The following DUSP19 variants were observed in gnomAD, a reference collection of about 807,000 sequenced individuals.
DUSP19 encodes dual specificity phosphatase 19.
DUSP19 carries 14 observed loss-of-function variants against 16.6 expected under a neutral mutation model. The observed-to-expected ratio is 0.84, with a 90% CI of 0.56 to 1.32. The LOEUF is 1.32. Among genes scored for constraint, DUSP19 ranks in the 40% most tolerant of loss-of-function variants. The pLI is 0.00. For missense variants in DUSP19, 258 were observed against 255.9 expected (o/e 1.01, Z -0.06); for synonymous variants, 81 against 90.5 (o/e 0.90, Z 0.59).
intron 3 of DUSP19, among the ~76,000 whole-genome samples, chr2:183,091,709 G>A (rs1296971024): frequency 6.6e-6 from 1 of 152,200 alleles, no homozygotes; most frequent in Non-Finnish European, 1.5e-5. Context: ...AGTCTGATTG[G>A]TTGTGGACAG....
intron 2 of DUSP19, among the ~76,000 whole-genome samples, chr2:183,084,099 G>A (rs1699629155): frequency 6.6e-6 from 1 of 152,204 alleles, no homozygotes; most frequent in African/African-American, 2.4e-5. Flanking sequence ...GGCAGACAGA[G>A]AAGAGAGACA....
intron 1 of DUSP19, among the ~76,000 whole-genome samples, chr2:183,082,786 C>T (rs1198748387): frequency 6.6e-6 from 1 of 151,968 alleles, no homozygotes; most frequent in African/African-American, 2.4e-5. Context: ...TTCTCTCTCT[C>T]TCCCTCTCTT....
chr2:183,084,186 C>T (rs16823976), intron 2 of DUSP19, among the ~76,000 whole-genome samples: 25,438 of 151,958 alleles, frequency 0.17, 2,541 homozygotes, highest in African/African-American at 0.28. Context: ...AGATGATGCT[C>T]TTAACCCATG....
rs1461275000 is a variant in DUSP19 at position 183,099,061 on chromosome 2, T to C, written c.*3403T>C. ...AATACAATACTTGGATTTTTTTTTTTCAGCTTAGACTCTGATAATTTCAGT... is the reference window on the plus strand; with the variant it reads ...AATACAATACTTGGATTTTTTTTTTCCAGCTTAGACTCTGATAATTTCAGT... On this transcript the variant is annotated 3_prime_UTR_variant, in exon 4 of 4. Transcript: ENST00000354221. 6.7e-6 allele frequency: 1 copy of C among 148,520 alleles called. No homozygotes were observed. Among genetic ancestry groups the C allele is most frequent in the Non-Finnish European group, 1.5e-5 (1 of 66,772 alleles). 9.2% of individuals were successfully genotyped at this position (148,520 alleles called of 1,614,324 possible).
At chr2:183,094,994 G>A (rs991893817) in intron 3 of DUSP19, among the ~76,000 whole-genome samples, 2 of 151,848 alleles carry the variant, frequency 1.3e-5, no homozygotes, top group East Asian at 1.9e-4. Context: ...GGTTTTATGT[G>A]TACTTTACTG....
chr2:183,096,316 A>C lies in DUSP19; in HGVS notation c.*658A>C, dbSNP rs1699801594. Reference sequence around the variant, plus strand: ...CAATGGCGCAATCTCAGCTCACTGCAACCTCTGCCTCCCGGGTTCAAGCGA... The same window carrying C: ...CAATGGCGCAATCTCAGCTCACTGCCACCTCTGCCTCCCGGGTTCAAGCGA... On this transcript the variant is annotated 3_prime_UTR_variant, in exon 4 of 4. Transcript: ENST00000354221. The C allele has an allele frequency of 6.6e-6, 1 of 150,982 alleles. No individual in the cohort carries two copies. The highest frequency in any genetic ancestry group is 1.5e-5 in the Non-Finnish European group (1 of 67,978). The allele number at this position is 150,982 out of a possible 1,614,324, so 9.4% of individuals were successfully genotyped here. A position where few individuals can be genotyped will look rare whatever the true frequency, so the allele number is the denominator to read the frequency against.
Position 183,096,642 on chromosome 2 carries a change from A to G in DUSP19, c.*984A>G, listed in dbSNP as rs1699806906. The G allele has an allele frequency of 6.7e-6, 1 of 149,514 alleles. No homozygotes were observed. The highest frequency in any genetic ancestry group is 1.5e-5 in the Non-Finnish European group (1 of 67,542). The allele number at this position is 149,514 out of a possible 1,614,324, so 9.3% of individuals were successfully genotyped here. A position where few individuals can be genotyped will look rare whatever the true frequency, so the allele number is the denominator to read the frequency against. ...TGAGCTTTGGTTCTTTGAACAGGTG[A>G]TCTATTCTCTTACATTTTGTGCTTT... On this transcript the variant is annotated 3_prime_UTR_variant, in exon 4 of 4. Transcript: ENST00000354221.
chr2:183,093,052 G>C (rs1237484505), intron 3 of DUSP19, among the ~76,000 whole-genome samples: 1 of 152,076 alleles, frequency 6.6e-6, no homozygotes. Context: ...CCTGGGCCTG[G>C]CTCAGTTACT....
Position 183,099,781 on chromosome 2 carries a change from C to T in DUSP19, c.*4123C>T, listed in dbSNP as rs1324031042. 3 of 151,884 alleles carry T rather than the reference C, an allele frequency of 2.0e-5. No homozygotes were observed. The highest frequency in any genetic ancestry group is 2.0e-4 in the Admixed American group (3 of 15,290). The allele number at this position is 151,884 out of a possible 1,614,324, so 9.4% of individuals were successfully genotyped here. A position where few individuals can be genotyped will look rare whatever the true frequency, so the allele number is the denominator to read the frequency against. ...TTTGGGAGGCCAAGGAGATGGATCA[C>T]TTGAGGCCAGGAGTTCAAGACCAGC... On this transcript the variant is annotated 3_prime_UTR_variant, in exon 4 of 4. Coordinates refer to ENST00000354221, the MANE Select transcript of DUSP19 (RefSeq NM_080876.4).
In DUSP19 at chr2:183,097,950, G is replaced by A. The variant is rs1464031552; in HGVS notation, c.*2292G>A. On this transcript the variant is annotated 3_prime_UTR_variant, in exon 4 of 4. Coordinates refer to ENST00000354221, the MANE Select transcript of DUSP19 (RefSeq NM_080876.4). ...CTTATTGCCCAGGCTGGAGTGCAGT[G>A]GCGTGATCTTGGCTCACTGCAACCT... is the stretch of plus-strand genomic sequence containing the variant. The A allele has an allele frequency of 6.6e-6, 1 of 152,166 alleles. No individual in the cohort carries two copies. Among genetic ancestry groups the A allele is most frequent in the Admixed American group, 6.5e-5 (1 of 15,268 alleles). 9.4% of individuals were successfully genotyped at this position (152,166 alleles called of 1,614,324 possible).
At chr2:183,093,600 T>C (rs1196003807) in intron 3 of DUSP19, among the ~76,000 whole-genome samples, 2 of 152,156 alleles carry the variant, frequency 1.3e-5, no homozygotes, top group East Asian at 1.9e-4. Context: ...ATATGATACC[T>C]AAGGAATAAT....
chr2:183,080,099 C>T (rs988902025), intron 1 of DUSP19, among the ~76,000 whole-genome samples: 1 of 152,178 alleles, frequency 6.6e-6, no homozygotes, highest in Non-Finnish European at 1.5e-5. Context: ...AAATAACAGA[C>T]GTATGCATCA....
At chr2:183,083,950 C>A (rs1699626921) in intron 2 of DUSP19, among the ~76,000 whole-genome samples, 1 of 152,164 alleles carries the variant, frequency 6.6e-6, no homozygotes, top group Non-Finnish European at 1.5e-5. Context: ...CTCCATACAA[C>A]TGATGTGATT....
chr2:183,083,297 T>C, intron 1 of DUSP19: 3 of 471,444 alleles, frequency 6.4e-6, no homozygotes, highest in Non-Finnish European at 1.1e-5. Context: ...GCAACATCTA[T>C]AACTTTTAGG....
chr2:183,095,594 TTCGTACATA>T lies in DUSP19; in HGVS notation c.593_601del (p.Arg198_Tyr200del). 1 of 1,614,080 alleles carries T rather than the reference TTCGTACATA, an allele frequency of 6.2e-7. No individual in the cohort carries two copies. The highest frequency in any genetic ancestry group is 2.2e-5 in the East Asian group (1 of 44,866). ...CCAAATTCTGGCTTCATGGAGCAGCTTCGTACATATCAAGAGGGCAAAGAAAGCAATAAG... is the reference window on the plus strand; with the variant it reads ...CCAAATTCTGGCTTCATGGAGCAGCTTCAAGAGGGCAAAGAAAGCAATAAG... On this transcript the variant is annotated inframe_deletion, in exon 4 of 4. Coordinates refer to ENST00000354221, the MANE Select transcript of DUSP19 (RefSeq NM_080876.4).
At chr2:183,082,870 T>C (rs1699611759) in intron 1 of DUSP19, among the ~76,000 whole-genome samples, 1 of 134,926 alleles carries the variant, frequency 7.4e-6, no homozygotes, top group Non-Finnish European at 1.6e-5. Flanking sequence ...CCCTCTCTCT[T>C]CTCTTGTCTT....
At chr2:183,088,846 G>A (rs1012741190) in intron 3 of DUSP19, among the ~76,000 whole-genome samples, 1 of 152,168 alleles carries the variant, frequency 6.6e-6, no homozygotes, top group African/African-American at 2.4e-5. Context: ...TAAAAAGGAT[G>A]TTTCTGTATT....
At chr2:183,080,086 G>A (rs1164376931) in intron 1 of DUSP19, among the ~76,000 whole-genome samples, 1 of 152,138 alleles carries the variant, frequency 6.6e-6, no homozygotes, top group East Asian at 1.9e-4. Flanking sequence ...TAACACACCT[G>A]GTAAATAACA....
chr2:183,087,646 G>A (rs1699679158), intron 3 of DUSP19, among the ~76,000 whole-genome samples: 1 of 152,202 alleles, frequency 6.6e-6, no homozygotes, highest in Admixed American at 6.5e-5. Context: ...TGTTATTGAA[G>A]TCAACATTCT....
Sources: gnomAD v4.1 joint callset for allele counts (sites outside exome capture counted in the v4.1 genomes callset) on GRCh38, gnomAD v4.1.1 for gene constraint, MANE v1.5 for transcripts, NCBI Gene and HGNC (gene_info 2026-07-23, HGNC 2026-07-21) for gene names.